The following TCF7L2 variants were observed in gnomAD, a reference collection of about 807,000 sequenced individuals.
TCF7L2 encodes transcription factor 7-like 2.
Under a neutral mutation model 77.9 loss-of-function variants are expected in TCF7L2, and 23 were observed. The ratio of observed to expected loss-of-function variants is 0.30; its 90% confidence interval spans 0.21 to 0.42. The LOEUF (loss-of-function observed/expected upper bound fraction) is 0.42. TCF7L2 is among the 10% of genes least tolerant of loss of function. TCF7L2 has a pLI of 1.00. For missense variants in TCF7L2, 654 were observed against 793.1 expected (o/e 0.82, Z 2.11); for synonymous variants, 413 against 340.2 (o/e 1.21, Z -2.36).
rs2062273959 is a variant in TCF7L2, at chr10:113,106,066, C to G, written c.553-35118C>G. ...GTGCAAATGGGCTCTGAGGTACTCC[C>G]TTGAACCTGGGCTTCTGACACAAGA... is the stretch of plus-strand genomic sequence containing the variant. On this transcript the variant is annotated intron_variant, in intron 5 of 13. Transcript: ENST00000627217. 3.3e-5 allele frequency among the ~76,000 whole-genome samples: 5 copies of G among 152,280 alleles called. No homozygotes were observed. The South Asian group carries it at 1.0e-3, about 32-fold the overall frequency.
At chr10:113,087,529 T>C (rs989572579) in intron 5 of TCF7L2, among the ~76,000 whole-genome samples, 3 of 152,214 alleles carry the variant, frequency 2.0e-5, no homozygotes, top group Non-Finnish European at 4.4e-5. Context: ...GGCTGATCTT[T>C]CAAATGGACT....
chr10:113,063,808 C>A (rs2056848269), intron 5 of TCF7L2, among the ~76,000 whole-genome samples: 2 of 151,810 alleles, frequency 1.3e-5, no homozygotes, highest in Admixed American at 6.6e-5. Context: ...CCCGAGAGAT[C>A]TGGTAAATGT....
At chr10:113,053,438 G>C (rs1414452101) in intron 5 of TCF7L2, among the ~76,000 whole-genome samples, 2 of 152,196 alleles carry the variant, frequency 1.3e-5, no homozygotes, top group African/African-American at 4.8e-5. Context: ...GCAGGCGTGT[G>C]ATACCAGAGG....
intron 4 of TCF7L2, among the ~76,000 whole-genome samples, chr10:112,985,679 T>G (rs932685211): frequency 3.3e-5 from 5 of 152,196 alleles, no homozygotes; most frequent in East Asian, 1.9e-4. Flanking sequence ...TGCTTTTTTT[T>G]GGGTGGAAGG....
In TCF7L2 at chr10:113,024,635, TTG is replaced by T. The variant is rs1491060269; in HGVS notation, c.451-15389_451-15388del. ...TAAACCCTTTTTTTTTTTTTTTTTT[TTG>T]AGACAGAGTTTCACGCTTGTTCCCC... On this transcript the variant is annotated intron_variant, in intron 4 of 13. Transcript: ENST00000627217. Among the ~76,000 whole-genome samples the T allele has an allele frequency of 2.4e-3, 354 of 147,572 alleles. 1 individual carries two copies. Among genetic ancestry groups the T allele is most frequent in the African/African-American group, 7.2e-3 (283 of 39,322 alleles).
intron 4 of TCF7L2, among the ~76,000 whole-genome samples, chr10:112,966,125 A>G (rs2036716757): frequency 6.7e-6 from 1 of 149,206 alleles, no homozygotes. Context: ...CGGTGAGCCG[A>G]GATCACGCCA....
In TCF7L2 at chr10:113,096,502, C is replaced by T. The variant is rs1298743389; in HGVS notation, c.553-44682C>T. ...CCATCATCTTTCACCTTTTACTTCA[C>T]ACCCATCCAGTGTTCTCTGTCACGT... On this transcript the variant is annotated intron_variant, in intron 5 of 13. Transcript: ENST00000627217. 2.0e-5 allele frequency among the ~76,000 whole-genome samples: 3 copies of T among 152,200 alleles called. No homozygotes were observed. The East Asian group carries it at 5.8e-4, about 29-fold the overall frequency.
chr10:112,951,652 G>A, intron 3 of TCF7L2, 45 bp downstream of exon 3: 2 of 873,868 alleles, frequency 2.3e-6, no homozygotes, highest in Non-Finnish European at 2.6e-6. Context: ...CCGCCCGCCC[G>A]CGCCGCCCGC....
At chr10:113,070,821 A>G (rs933210504) in intron 5 of TCF7L2, among the ~76,000 whole-genome samples, 5 of 152,164 alleles carry the variant, frequency 3.3e-5, no homozygotes, top group African/African-American at 1.2e-4. Flanking sequence ...ATCCATTTAA[A>G]GCATGCAATT....
chr10:113,130,009 G>A, intron 5 of TCF7L2: 2 of 1,253,294 alleles, frequency 1.6e-6, no homozygotes, highest in South Asian at 2.7e-5. Context: ...GGTGTGTGGT[G>A]TGTGTATGGG....
chr10:113,117,362 ATT>A (rs1242949052), intron 5 of TCF7L2, among the ~76,000 whole-genome samples: 6 of 117,810 alleles, frequency 5.1e-5, no homozygotes, highest in Non-Finnish European at 6.9e-5. Flanking sequence ...CCTTGAAGGG[ATT>A]TTCTCTCTCT....
At chr10:113,095,594 A>T (rs564190515) in intron 5 of TCF7L2, among the ~76,000 whole-genome samples, 4 of 152,300 alleles carry the variant, frequency 2.6e-5, no homozygotes, top group Admixed American at 2.6e-4. Flanking sequence ...CACTCTACTT[A>T]TCAGATGCAG....
intron 5 of TCF7L2, among the ~76,000 whole-genome samples, chr10:113,101,345 C>A (rs1397837381): frequency 6.6e-6 from 1 of 151,976 alleles, no homozygotes; most frequent in African/African-American, 2.4e-5. Flanking sequence ...GAGTTTGAGA[C>A]CAGCTTGGGC....
At chr10:112,959,725 A>G (rs950385453) in intron 3 of TCF7L2, among the ~76,000 whole-genome samples, 1 of 152,108 alleles carries the variant, frequency 6.6e-6, no homozygotes, top group African/African-American at 2.4e-5. Flanking sequence ...TCTTGGTCAA[A>G]AGTTTATTTC....
chr10:113,057,579 G>A (rs980189054), intron 5 of TCF7L2, among the ~76,000 whole-genome samples: 2 of 152,220 alleles, frequency 1.3e-5, no homozygotes, highest in African/African-American at 4.8e-5. Flanking sequence ...CAGTAAATAA[G>A]TAACAGGGGA....
chr10:113,010,289 T>C (rs556348501), intron 4 of TCF7L2, among the ~76,000 whole-genome samples: 1 of 152,254 alleles, frequency 6.6e-6, no homozygotes, highest in African/African-American at 2.4e-5. Context: ...CTTCCTATCA[T>C]GTATTAGGGC....
At chr10:113,102,638 G>T (rs1430287889) in intron 5 of TCF7L2, among the ~76,000 whole-genome samples, 1 of 151,870 alleles carries the variant, frequency 6.6e-6, no homozygotes, top group Non-Finnish European at 1.5e-5. Context: ...GTTGGCCAGG[G>T]TGGTCTTGAA....
rs551422893 is a variant in TCF7L2, at chr10:112,953,759, C to T, written c.381+2152C>T. On this transcript the variant is annotated intron_variant, in intron 3 of 13. Coordinates refer to ENST00000627217, the MANE Select transcript of TCF7L2 (RefSeq NM_001146274.2). ...TTTCCCGGTGAGAAAAGGAAGGCTC[C>T]CAATGATCGGTCCCTTTTGTGGGCA... is the stretch of plus-strand genomic sequence containing the variant. Among the ~76,000 whole-genome samples the T allele has an allele frequency of 5.5e-4, 83 of 152,234 alleles. 1 individual carries two copies. The highest frequency in any genetic ancestry group is 9.4e-4 in the Non-Finnish European group (64 of 68,024).
intron 5 of TCF7L2, chr10:113,129,857 A>G (rs1317523238): frequency 1.6e-6 from 2 of 1,289,870 alleles, no homozygotes; most frequent in African/African-American, 1.5e-5. Context: ...GGGAAAACCA[A>G]GGCTGTTATG....
Sources: allele counts gnomAD v4.1 joint callset (sites outside exome capture counted in the v4.1 genomes callset), GRCh38; gene constraint gnomAD v4.1.1; transcripts MANE v1.5; gene names NCBI Gene and HGNC (gene_info 2026-07-23, HGNC 2026-07-21).